MFSD12: variants seen among roughly 807,000 people sequenced by gnomAD.
MFSD12 encodes major facilitator superfamily domain-containing protein 12.
MFSD12 carries 67 observed loss-of-function variants against 51.2 expected under a neutral mutation model. The observed-to-expected ratio is 1.31, with a 90% CI of 1.08 to 1.60. The LOEUF (loss-of-function observed/expected upper bound fraction) is 1.60, where lower values mean the gene tolerates loss of function less well. Ranked by LOEUF, MFSD12 falls within the 40% of genes most tolerant of loss-of-function variation. The probability of loss-of-function intolerance (pLI) is 0.00; values close to 1 mark genes in which losing one functional copy is unlikely to be tolerated. For missense variants in MFSD12, 921 were observed against 673.0 expected (o/e 1.37, Z -4.08); for synonymous variants, 441 against 316.7 (o/e 1.39, Z -4.17).
At position 3,547,467 on chromosome 19, in the gene MFSD12, G is replaced by A; in HGVS notation, c.918C>T (p.Leu306=). 1 of 1,613,126 alleles carries A rather than the reference G, an allele frequency of 6.2e-7. No homozygotes were observed. The highest frequency in any genetic ancestry group is 8.5e-7 in the Non-Finnish European group (1 of 1,179,948). The change falls in exon 5 of 10, where the codon CTC becomes CTT. Residue 306 remains leucine (L), a synonymous_variant. Transcript: ENST00000355415. ...TYMAMYLTYS[L]HLPKKFIATI... ...CCAATCTGCTCACCTTGGGCAGGTG[G>A]AGCGAGTAGGTGAGGTACATGGCCA...
chr19:3,547,780 C>A (rs1394025535), intron 4 of MFSD12, 68 bp downstream of exon 4: 11 of 1,446,090 alleles, frequency 7.6e-6, no homozygotes, highest in Non-Finnish European at 1.0e-5. Flanking sequence ...ACGCAGCTGC[C>A]CCACAGAGCA....
intron 8 of MFSD12, among the ~76,000 whole-genome samples, chr19:3,545,605 G>A (rs2030941683): frequency 6.6e-6 from 1 of 152,228 alleles, no homozygotes; most frequent in Non-Finnish European, 1.5e-5. Flanking sequence ...GTTTCTCTGA[G>A]CGTTCACCTT....
In MFSD12 at chr19:3,548,027, G is replaced by A. The variant is rs745568529; in HGVS notation, c.658C>T (p.Leu220=). The change falls in exon 4 of 10, where the codon CTG becomes TTG. Residue 220 remains leucine, a synonymous_variant. Coordinates refer to ENST00000355415, the MANE Select transcript of MFSD12 (RefSeq NM_174983.5). ...CCGACACCCACCACCAGCAGGGACA[G>A]GTTCTGGGGATGCAGCAGAAGCAGT... The part of the protein sequence containing the change: ...GGQDVPVFRN[L]SLLVVGVGAV... 16 of 1,599,818 alleles carry A rather than the reference G, an allele frequency of 1.0e-5. No homozygotes were observed. The highest frequency in any genetic ancestry group is 1.7e-5 in the Admixed American group (1 of 59,302).
intron 4 of MFSD12, chr19:3,539,154 G>A: frequency 6.5e-7 from 1 of 1,533,732 alleles, no homozygotes; most frequent in Non-Finnish European, 8.8e-7. Context: ...CCTTCTGGCA[G>A]GAGCCCGGGG....
chr19:3,539,883 A>G (rs2030217392), downstream of MFSD12: 1 of 152,206 alleles, frequency 6.6e-6, no homozygotes, highest in South Asian at 2.1e-4. Flanking sequence ...AATTGTTTAA[A>G]CAATTATGGA....
intron 6 of MFSD12, among the ~76,000 whole-genome samples, chr19:3,546,787 C>G (rs1053090513): frequency 1.3e-5 from 2 of 152,282 alleles, no homozygotes; most frequent in African/African-American, 2.4e-5. Context: ...TGTATAAACT[C>G]GAGACACAGA....
At position 3,544,664 on chromosome 19, in the gene MFSD12, T is replaced by C; in HGVS notation, c.*46A>G. On this transcript the variant is annotated 3_prime_UTR_variant, in exon 10 of 10. Transcript: ENST00000355415. ...CCCAAGGCCCTGGGGGGCATCCTCG[T>C]GCGTCCCCACAGTTCCCTTGCACAG... 6 of 1,556,384 alleles carry C rather than the reference T, an allele frequency of 3.9e-6. No homozygotes were observed. The highest frequency in any genetic ancestry group is 1.8e-5 in the Admixed American group (1 of 56,000).
Position 3,546,089 on chromosome 19 carries a change from C to T in MFSD12, c.1274G>A (p.Ser425Asn), listed in dbSNP as rs761398047. The change falls in exon 8 of 10, where the codon AGC becomes AAC. Residue 425 changes from serine to asparagine, a missense_variant. Physicochemically the swap from Ser to Asn is conservative, Grantham distance 46. Coordinates refer to ENST00000355415, the MANE Select transcript of MFSD12 (RefSeq NM_174983.5). The stretch of plus-strand genomic sequence containing the variant: ...CGGCACTCACGGGCAAGGGTGCAGG[C>T]TCTGGATGGCCATGACTGCCAGCCC... ...ANGLAVMAIQ[S>N]LHPCPSELCC... 6.2e-7 allele frequency: 1 copy of T among 1,613,418 alleles called. No individual in the cohort carries two copies.
rs769585107 is a variant in MFSD12 at position 3,544,855 on chromosome 19, G to T, written c.1374C>A (p.Ala458=). 6.2e-7 allele frequency: 1 copy of T among 1,612,156 alleles called. No homozygotes were observed. The highest frequency in any genetic ancestry group is 8.5e-7 in the Non-Finnish European group (1 of 1,179,682). ...AVTGGVGVAA[A]LCLCSLLLWP... ...ACAGCAGGAGGCTACAGAGACACAG[G>T]GCAGCGGCCACGCCCACGCCGCCCG... Residue 458 remains alanine, a synonymous_variant, in exon 9 of 10, where the codon GCC becomes GCA. Transcript: ENST00000355415.
chr19:3,547,059 C>T (rs570213822), intron 6 of MFSD12, among the ~76,000 whole-genome samples: 1 of 152,228 alleles, frequency 6.6e-6, no homozygotes, highest in East Asian at 1.9e-4. Flanking sequence ...AGGATGGTCT[C>T]GATCTCCTGA....
rs2030864248 is a variant in MFSD12, at chr19:3,545,015, CCTCACCCCCGACAGCGG to C, written c.1290-93_1290-77del. Reference sequence around the variant, plus strand: ...CCACCCAAGCTGAACCTGTGCCTCCCCTCACCCCCGACAGCGGCTCCGTCCTGTCCAATCCAGGAGCT... The same window carrying C: ...CCACCCAAGCTGAACCTGTGCCTCCCCTCCGTCCTGTCCAATCCAGGAGCT... On this transcript the variant is annotated intron_variant, in intron 8 of 9. Transcript: ENST00000355415. The C allele has an allele frequency of 2.0e-6, 3 of 1,506,860 alleles. No homozygotes were observed. In the East Asian group the frequency reaches 7.3e-5, roughly 37 times the overall value. The allele number at this position is 1,506,860 out of a possible 1,614,324, so 93.3% of individuals were successfully genotyped here.
chr19:3,550,772 G>C (rs2031428426), intron 2 of MFSD12, among the ~76,000 whole-genome samples: 1 of 151,930 alleles, frequency 6.6e-6, no homozygotes, highest in Non-Finnish European at 1.5e-5. Flanking sequence ...AGTATCACTT[G>C]AGCCCAGGAG....
intron 8 of MFSD12, among the ~76,000 whole-genome samples, 151 bp downstream of exon 8, chr19:3,545,921 AAG>A (rs2030978858): frequency 6.6e-6 from 1 of 152,202 alleles, no homozygotes; most frequent in Non-Finnish European, 1.5e-5. Context: ...CAGTGGAAGA[AAG>A]GAAAGGTCTC....
intron 1 of MFSD12, among the ~76,000 whole-genome samples, chr19:3,554,229 C>A (rs1322019220): frequency 1.3e-5 from 2 of 151,564 alleles, no homozygotes; most frequent in Admixed American, 1.3e-4. Flanking sequence ...TTGAGGTCAG[C>A]GGTTCAAGCC....
Position 3,548,269 on chromosome 19 carries a change from T to C in MFSD12, c.510-2A>G. The C allele has an allele frequency of 6.5e-7, 1 of 1,547,958 alleles. No individual in the cohort carries two copies. Among genetic ancestry groups the C allele is most frequent in the Non-Finnish European group, 8.7e-7 (1 of 1,147,222 alleles). On this transcript the variant is annotated splice_acceptor_variant, in intron 2 of 9. Transcript: ENST00000355415. LOFTEE classifies it high-confidence loss of function. ...TTGGCCACCACGGTGAACGCATACC[T>C]GGCGGGCAGGCGGGCAGGGACTCAA...
In MFSD12 at chr19:3,557,340, GCGC is replaced by G. The variant is rs1451942537; in HGVS notation, c.61_63del (p.Ala21del). ...AAGTGGCCCACGGCGTAGCTCAGCC[GCGC>G]CACCAGGGACAGCGGCCGCGGGGAC... On this transcript the variant is annotated inframe_deletion, in exon 1 of 10. Transcript: ENST00000355415. 6.4e-7 allele frequency: 1 copy of G among 1,551,816 alleles called. No homozygotes were observed. The highest frequency in any genetic ancestry group is 1.2e-5 in the South Asian group (1 of 83,832).
intron 7 of MFSD12, 24 bp from the exon 8 acceptor site, chr19:3,546,192 T>G (rs762004135): frequency 1.9e-6 from 3 of 1,610,806 alleles, no homozygotes; most frequent in Non-Finnish European, 2.5e-6. Context: ...GGCGAGGTGG[T>G]CAGCGTGCAC....
chr19:3,539,317 G>C, downstream of MFSD12: 2 of 1,076,326 alleles, frequency 1.9e-6, no homozygotes, highest in South Asian at 1.6e-5. Context: ...CCCTCCCTGG[G>C]TGTCAGGTTA....
At position 3,550,969 on chromosome 19, in the gene MFSD12, T is replaced by A; in HGVS notation, c.509+15A>T. ...GGCCCACCCTGCCCGTGGGGGAGGG[T>A]GCCCAGGCTCCCACCTGAGTGCCGT... On this transcript the variant is annotated intron_variant, in intron 2 of 9. Transcript: ENST00000355415. 2 of 1,604,900 alleles carry A rather than the reference T, an allele frequency of 1.2e-6. No homozygotes were observed. The highest frequency in any genetic ancestry group is 1.7e-6 in the Non-Finnish European group (2 of 1,176,748).
Sources: allele counts gnomAD v4.1 joint callset (sites outside exome capture counted in the v4.1 genomes callset), GRCh38; gene constraint gnomAD v4.1.1; transcripts MANE v1.5; gene names NCBI Gene and HGNC (gene_info 2026-07-23, HGNC 2026-07-21).